The following SGCZ variants were observed in gnomAD, a reference collection of about 807,000 sequenced individuals.
SGCZ encodes sarcoglycan zeta.
SGCZ carries 40 observed loss-of-function variants against 41.3 expected under a neutral mutation model. That is an observed-to-expected ratio of 0.97 (90% confidence interval 0.75 to 1.26). The LOEUF is 1.26. Ranked by LOEUF, SGCZ falls within the 50% of genes most tolerant of loss-of-function variation. SGCZ has a pLI of 0.00. For synonymous variants in SGCZ, 206 were observed against 137.5 expected (o/e 1.50, Z -3.49); for missense variants, 552 against 369.8 (o/e 1.49, Z -4.04).
intron 1 of SGCZ, among the ~76,000 whole-genome samples, chr8:14,997,387 A>T (rs1416737579): frequency 6.6e-6 from 1 of 152,222 alleles, no homozygotes; most frequent in Non-Finnish European, 1.5e-5. Flanking sequence ...CTGAATCAAG[A>T]TCATATTAAT....
intron 1 of SGCZ, among the ~76,000 whole-genome samples, chr8:15,117,276 G>A (rs976201303): frequency 8.6e-5 from 13 of 151,870 alleles, no homozygotes; most frequent in African/African-American, 1.5e-4. Flanking sequence ...GGAGAATGGC[G>A]TGAACCTGGG....
At chr8:14,737,784 T>A (rs1799085964) in intron 1 of SGCZ, among the ~76,000 whole-genome samples, 1 of 152,060 alleles carries the variant, frequency 6.6e-6, no homozygotes, top group Non-Finnish European at 1.5e-5. Flanking sequence ...AACTTAATCA[T>A]CTCTTTATAG....
chr8:14,565,517 C>T (rs900668115), intron 1 of SGCZ, among the ~76,000 whole-genome samples: 2 of 150,962 alleles, frequency 1.3e-5, no homozygotes, highest in Non-Finnish European at 2.9e-5. Flanking sequence ...CCACGGGCAC[C>T]ATTTACACTA....
chr8:14,622,023 A>G (rs1193621724), intron 1 of SGCZ, among the ~76,000 whole-genome samples: 1 of 152,118 alleles, frequency 6.6e-6, no homozygotes, highest in Non-Finnish European at 1.5e-5. Context: ...TTTAAGATCT[A>G]AACTATTGTA....
chr8:14,628,996 G>A (rs1042078034), intron 1 of SGCZ, among the ~76,000 whole-genome samples: 2 of 152,002 alleles, frequency 1.3e-5, no homozygotes, highest in Admixed American at 6.6e-5. Flanking sequence ...ACTTAACACA[G>A]GATGTTTGCA....
intron 1 of SGCZ, among the ~76,000 whole-genome samples, chr8:14,753,381 C>T (rs991157739): frequency 6.6e-6 from 1 of 152,154 alleles, no homozygotes; most frequent in Admixed American, 6.6e-5. Context: ...ATCTCATCTT[C>T]GGCCAGGTTT....
At position 14,264,995 on chromosome 8, in the gene SGCZ, AC is replaced by A. The variant is rs751083591; in HGVS notation, c.337-27317del. Among the ~76,000 whole-genome samples the A allele has an allele frequency of 1.4e-3, 209 of 152,098 alleles. 1 individual carries two copies. The highest frequency in any genetic ancestry group is 1.9e-3 in the Non-Finnish European group (131 of 67,982). ...AACAAACAAACAAAAACACAAAAAA[AC>A]AAAAAAACACGCCAGATGGCAAACA... On this transcript the variant is annotated intron_variant, in intron 3 of 7. Transcript: ENST00000382080.
At chr8:14,742,403 T>A (rs1162160610) in intron 1 of SGCZ, among the ~76,000 whole-genome samples, 1 of 152,068 alleles carries the variant, frequency 6.6e-6, no homozygotes, top group Non-Finnish European at 1.5e-5. Flanking sequence ...TTGTGCACAT[T>A]GCCTTTTCTT....
chr8:14,147,650 A>C (rs1008242458), intron 5 of SGCZ, among the ~76,000 whole-genome samples: 1 of 152,206 alleles, frequency 6.6e-6, no homozygotes, highest in Non-Finnish European at 1.5e-5. Context: ...CATTGGACCT[A>C]TCCTCGAGAC....
intron 1 of SGCZ, among the ~76,000 whole-genome samples, chr8:15,170,627 T>C (rs1799799888): frequency 1.3e-5 from 2 of 152,144 alleles, no homozygotes; most frequent in Admixed American, 1.3e-4. Flanking sequence ...GGTGACTGGG[T>C]TTTGTTTTGT....
At chr8:14,187,245 A>T (rs969982691) in intron 4 of SGCZ, among the ~76,000 whole-genome samples, 4 of 152,206 alleles carry the variant, frequency 2.6e-5, no homozygotes, top group African/African-American at 9.6e-5. Context: ...CAGAGTTGGG[A>T]TTATCCAGAT....
intron 1 of SGCZ, among the ~76,000 whole-genome samples, chr8:14,917,169 C>G (rs1799461443): frequency 6.6e-6 from 1 of 152,038 alleles, no homozygotes; most frequent in Admixed American, 6.6e-5. Context: ...AATTGTCAAT[C>G]ATAATTTGTC....
At chr8:15,002,090 T>G (rs1023392746) in intron 1 of SGCZ, among the ~76,000 whole-genome samples, 1 of 152,054 alleles carries the variant, frequency 6.6e-6, no homozygotes, top group African/African-American at 2.4e-5. Context: ...GGCAGTCAAA[T>G]GTGCTTTAAA....
In SGCZ at chr8:14,566,395, G is replaced by T. The variant is rs186505067; in HGVS notation, c.40-11469C>A. Among the ~76,000 whole-genome samples, 4 of 150,300 alleles carry T rather than the reference G, an allele frequency of 2.7e-5. No individual in the cohort carries two copies. In the East Asian group the frequency reaches 7.8e-4, roughly 29 times the overall value. On this transcript the variant is annotated intron_variant, in intron 1 of 7. Transcript: ENST00000382080. ...TCATAAGATGGGGCCAGTGTGGGTA[G>T]ATCTCTCCATCCCTGCTGGGTCGAT...
intron 2 of SGCZ, among the ~76,000 whole-genome samples, chr8:14,503,717 G>A (rs1032835724): frequency 2.6e-5 from 4 of 151,212 alleles, no homozygotes; most frequent in African/African-American, 4.9e-5. Flanking sequence ...GCAGTGAGCC[G>A]AGATCACACC....
chr8:14,778,283 G>A (rs919582043), intron 1 of SGCZ, among the ~76,000 whole-genome samples: 2 of 152,132 alleles, frequency 1.3e-5, no homozygotes, highest in Admixed American at 1.3e-4. Context: ...GAATTAAGGT[G>A]AAAAACTGTC....
intron 1 of SGCZ, among the ~76,000 whole-genome samples, chr8:14,586,892 T>C (rs1430830183): frequency 6.6e-6 from 1 of 152,168 alleles, no homozygotes; most frequent in African/African-American, 2.4e-5. Flanking sequence ...GACAGATTAA[T>C]AAAGTTCGTA....
intron 1 of SGCZ, among the ~76,000 whole-genome samples, chr8:14,844,545 T>A (rs1025221386): frequency 3.9e-5 from 6 of 152,140 alleles, no homozygotes; most frequent in African/African-American, 1.4e-4. Context: ...TTGTTTGCCA[T>A]AGTATGCGGG....
In SGCZ at chr8:15,053,671, G is replaced by T. The variant is rs181239305; in HGVS notation, c.39+183914C>A. On this transcript the variant is annotated intron_variant, in intron 1 of 7. Coordinates refer to ENST00000382080, the MANE Select transcript of SGCZ (RefSeq NM_139167.4). ...TACTCTTTTCACTTTTCTTTATTTG[G>T]GGGGGTTGGGGGCTCAGTGAAAATA... Among the ~76,000 whole-genome samples, 135 of 152,198 alleles carry T rather than the reference G, an allele frequency of 8.9e-4. No homozygotes were observed. In the South Asian group the frequency reaches 0.027, roughly 30 times the overall value.
Sources: allele counts gnomAD v4.1 joint callset (sites outside exome capture counted in the v4.1 genomes callset), GRCh38; gene constraint gnomAD v4.1.1; transcripts MANE v1.5; gene names NCBI Gene and HGNC (gene_info 2026-07-23, HGNC 2026-07-21).